The following SLC2A13 variants were observed in gnomAD, a reference collection of about 807,000 sequenced individuals.
SLC2A13 encodes the protein proton myo-inositol cotransporter.
Under a neutral mutation model 64.4 loss-of-function variants are expected in SLC2A13, and 32 were observed. The observed-to-expected ratio is 0.50, with a 90% CI of 0.37 to 0.67. The LOEUF is 0.67. Among genes scored for constraint, SLC2A13 ranks in the 30% least tolerant of loss-of-function variants. The pLI, the probability that SLC2A13 is intolerant of heterozygous loss-of-function variation, is 0.00. For missense variants in SLC2A13, 743 were observed against 829.2 expected (o/e 0.90, Z 1.28); for synonymous variants, 338 against 327.1 (o/e 1.03, Z -0.36).
chr12:39,795,695 G>A (rs187645372), intron 7 of SLC2A13, among the ~76,000 whole-genome samples: 5 of 152,222 alleles, frequency 3.3e-5, no homozygotes, highest in East Asian at 3.9e-4. Flanking sequence ...AGCTACTTTC[G>A]AGTAAATCTT....
chr12:39,790,176 T>G (rs1941334639), intron 7 of SLC2A13, among the ~76,000 whole-genome samples: 1 of 151,322 alleles, frequency 6.6e-6, no homozygotes, highest in Non-Finnish European at 1.5e-5. Flanking sequence ...AAGAAAGAAT[T>G]TTTTATTAGT....
intron 1 of SLC2A13, among the ~76,000 whole-genome samples, chr12:40,079,968 A>G (rs1938333323): frequency 6.6e-6 from 1 of 152,076 alleles, no homozygotes; most frequent in Non-Finnish European, 1.5e-5. Context: ...GGTTCAAGTG[A>G]TTACCATGCC....
chr12:40,074,298 T>C (rs947204469), intron 1 of SLC2A13, among the ~76,000 whole-genome samples: 1 of 151,792 alleles, frequency 6.6e-6, no homozygotes, highest in Non-Finnish European at 1.5e-5. Flanking sequence ...CCCAAGTAGA[T>C]GGAACTACAG....
chr12:39,853,915 T>A (rs1276350951), intron 6 of SLC2A13, among the ~76,000 whole-genome samples: 1 of 152,126 alleles, frequency 6.6e-6, no homozygotes, highest in Non-Finnish European at 1.5e-5. Context: ...TAAAAACTCT[T>A]GTTTTAGTGA....
At chr12:39,954,907 A>T (rs1340570721) in intron 3 of SLC2A13, among the ~76,000 whole-genome samples, 1 of 152,208 alleles carries the variant, frequency 6.6e-6, no homozygotes, top group Non-Finnish European at 1.5e-5. Context: ...AAAAACCTAC[A>T]ATTGTACTCT....
At chr12:39,945,880 T>G (rs540944752) in intron 4 of SLC2A13, among the ~76,000 whole-genome samples, 3 of 149,418 alleles carry the variant, frequency 2.0e-5, no homozygotes, top group Non-Finnish European at 4.5e-5. Context: ...TTGGTTTGCA[T>G]CCACTGCTGG....
At chr12:39,963,701 C>G (rs1946455810) in intron 3 of SLC2A13, among the ~76,000 whole-genome samples, 1 of 152,194 alleles carries the variant, frequency 6.6e-6, no homozygotes, top group Non-Finnish European at 1.5e-5. Flanking sequence ...ATGAACTATG[C>G]TCCTAAACAT....
At chr12:40,055,663 C>T (rs778283600) in intron 1 of SLC2A13, among the ~76,000 whole-genome samples, 5 of 152,062 alleles carry the variant, frequency 3.3e-5, no homozygotes, top group Non-Finnish European at 5.9e-5. Context: ...TTGGTTTTAA[C>T]TGATTGGTTT....
At chr12:39,982,978 A>C (rs1002617628) in intron 3 of SLC2A13, among the ~76,000 whole-genome samples, 1 of 143,052 alleles carries the variant, frequency 7.0e-6, no homozygotes, top group Non-Finnish European at 1.5e-5. Context: ...ACCAAAACAG[A>C]GATATAGATC....
intron 2 of SLC2A13, among the ~76,000 whole-genome samples, chr12:40,037,822 G>A (rs992175938): frequency 6.6e-6 from 1 of 152,080 alleles, no homozygotes; most frequent in African/African-American, 2.4e-5. Flanking sequence ...GCACCAAGTT[G>A]TTCACAGTTG....
At chr12:39,874,988 C>T (rs1031545959) in intron 4 of SLC2A13, among the ~76,000 whole-genome samples, 37 of 152,308 alleles carry the variant, frequency 2.4e-4, no homozygotes, top group Non-Finnish European at 4.6e-4. Flanking sequence ...GCAAGAGCTG[C>T]GACTTCAGCC....
Position 39,758,836 on chromosome 12 carries a change from C to A in SLC2A13, c.*1190G>T, listed in dbSNP as rs1592108066. 1.3e-5 allele frequency: 2 copies of A among 149,108 alleles called. No individual in the cohort carries two copies. Among genetic ancestry groups the A allele is most frequent in the Admixed American group, 6.7e-5 (1 of 14,930 alleles). The allele number at this position is 149,108 out of a possible 1,614,324, so 9.2% of individuals were successfully genotyped here. A position where few individuals can be genotyped will look rare whatever the true frequency, so the allele number is the denominator to read the frequency against. ...TTCTCAGGAAAATGAGAAAAGTGTG[C>A]AAAATAAAAACGAGTTTATGCTCTT... is the stretch of plus-strand genomic sequence containing the variant. On this transcript the variant is annotated 3_prime_UTR_variant, in exon 10 of 10. Transcript: ENST00000280871.
chr12:40,039,744 C>T (rs1408122848), intron 2 of SLC2A13, among the ~76,000 whole-genome samples: 1 of 152,194 alleles, frequency 6.6e-6, no homozygotes, highest in African/African-American at 2.4e-5. Flanking sequence ...GTATGCATAG[C>T]CTCCCCAATT....
At chr12:39,813,024 T>TTTTTTTA (rs60326584) in intron 7 of SLC2A13, among the ~76,000 whole-genome samples, 1 of 134,980 alleles carries the variant, frequency 7.4e-6, no homozygotes, top group East Asian at 2.2e-4. Context: ...TTTTTTTTTT[T>TTTTTTTA]AGTAGAGATG....
At chr12:39,852,150 A>G (rs907756931) in intron 6 of SLC2A13, among the ~76,000 whole-genome samples, 8 of 152,204 alleles carry the variant, frequency 5.3e-5, no homozygotes, top group African/African-American at 1.9e-4. Flanking sequence ...GGTTTGTATA[A>G]AATAACTAGC....
chr12:39,976,385 A>G (rs1349393743), intron 3 of SLC2A13, among the ~76,000 whole-genome samples: 2 of 152,224 alleles, frequency 1.3e-5, no homozygotes, highest in Non-Finnish European at 1.5e-5. Flanking sequence ...GATAAGTGCC[A>G]TAAGGGTTGA....
At position 40,027,061 on chromosome 12, in the gene SLC2A13, C is replaced by T. The variant is rs139837840; in HGVS notation, c.925+1240G>A. The stretch of plus-strand genomic sequence containing the variant: ...CGCCATTGCACTCCAACCTGGGCAA[C>T]AGAGTGAGACTTCATCTCAAAAAAA... On this transcript the variant is annotated intron_variant, in intron 3 of 9. Transcript: ENST00000280871. 7.6e-3 allele frequency among the ~76,000 whole-genome samples: 1,106 copies of T among 145,092 alleles called. 12 individuals are homozygous for T. Among genetic ancestry groups the T allele is most frequent in the African/African-American group, 0.027 (1,046 of 39,210 alleles).
chr12:39,936,846 A>G (rs967786716), intron 4 of SLC2A13, among the ~76,000 whole-genome samples: 3 of 152,184 alleles, frequency 2.0e-5, no homozygotes, highest in Non-Finnish European at 2.9e-5. Flanking sequence ...AGAGTGGAAT[A>G]TTCAAAAGTA....
At chr12:39,864,643 T>C in intron 6 of SLC2A13, 119 bp downstream of exon 6, 1 of 1,355,576 alleles carries the variant, frequency 7.4e-7, no homozygotes, top group Non-Finnish European at 1.0e-6. Context: ...TCTTCCCTTC[T>C]TACATAAGCC....
Sources: allele counts gnomAD v4.1 joint callset (sites outside exome capture counted in the v4.1 genomes callset), GRCh38; gene constraint gnomAD v4.1.1; transcripts MANE v1.5; gene names NCBI Gene and HGNC (gene_info 2026-07-23, HGNC 2026-07-21).